Variants in TAF5L observed in about 807,000 individuals in gnomAD.
TAF5L encodes TATA-box binding protein associated factor 5 like.
In TAF5L, 7 loss-of-function variants were observed where a neutral mutation model predicts 51.3. That is an observed-to-expected ratio of 0.14 (90% CI 0.08 to 0.26). The LOEUF (loss-of-function observed/expected upper bound fraction) is 0.26. Among genes scored for constraint, TAF5L ranks in the 10% least tolerant of loss-of-function variants. The pLI is 1.00. For synonymous variants in TAF5L, 291 were observed against 308.1 expected (o/e 0.94, Z 0.58); for missense variants, 575 against 758.9 (o/e 0.76, Z 2.85).
intron 4 of TAF5L, among the ~76,000 whole-genome samples, chr1:229,597,725 AATCTT>A (rs1297140809): frequency 6.6e-6 from 1 of 152,228 alleles, no homozygotes; most frequent in Non-Finnish European, 1.5e-5. Context: ...TGTAATAATA[AATCTT>A]ATTATATACA....
At chr1:229,614,448 G>A in exon 2 of TAF5L, 2 of 1,614,224 alleles carry the variant, frequency 1.2e-6, no homozygotes, top group Non-Finnish European at 1.7e-6. Context: ...GCAGGACACT[G>A]CCATCTGAAT....
At chr1:229,619,594 A>G (rs1216384333) in intron 1 of TAF5L, among the ~76,000 whole-genome samples, 2 of 152,116 alleles carry the variant, frequency 1.3e-5, no homozygotes, top group Admixed American at 6.5e-5. Flanking sequence ...TGTTTCATCA[A>G]CTACTTACCC....
In TAF5L at chr1:229,594,168, G is replaced by A; in HGVS notation, c.*129C>T. The A allele has an allele frequency of 8.8e-7, 1 of 1,131,296 alleles. No homozygotes were observed. The allele number at this position is 1,131,296 out of a possible 1,614,324, so 70.1% of individuals were successfully genotyped here. On this transcript the variant is annotated 3_prime_UTR_variant, in exon 5 of 5. Coordinates refer to ENST00000258281, the Ensembl canonical transcript of TAF5L. The surrounding 1 kb of genome is among the most constrained non-coding windows in gnomAD (Gnocchi z 7.9). ...GGCTGAGTGAAGGGGGACCTGCCCG[G>A]AATGAGGGCCCAGGAGAGAGGGGAG...
intron 3 of TAF5L, among the ~76,000 whole-genome samples, chr1:229,609,543 T>C (rs1273419815): frequency 6.6e-6 from 1 of 152,234 alleles, no homozygotes; most frequent in East Asian, 1.9e-4. Flanking sequence ...TTTATTCTTA[T>C]CTCAAGTGGT....
At chr1:229,597,176 C>T (rs937820625) in intron 4 of TAF5L, among the ~76,000 whole-genome samples, 3 of 152,166 alleles carry the variant, frequency 2.0e-5, no homozygotes, top group African/African-American at 7.2e-5. Context: ...AAAAATGACA[C>T]CAGATGAATT....
chr1:229,611,066 G>A (rs1664768503), intron 2 of TAF5L, among the ~76,000 whole-genome samples: 1 of 152,002 alleles, frequency 6.6e-6, no homozygotes, highest in African/African-American at 2.4e-5. Context: ...GGGTGACCAG[G>A]GTGAGCAATG....
At chr1:229,619,443 G>A (rs960855732) in intron 1 of TAF5L, among the ~76,000 whole-genome samples, 1 of 152,152 alleles carries the variant, frequency 6.6e-6, no homozygotes, top group African/African-American at 2.4e-5. Flanking sequence ...GGCTCAGGAC[G>A]CAGTGAAGAA....
At chr1:229,606,569 G>T in intron 3 of TAF5L, 52 of 985,344 alleles carry the variant, frequency 5.3e-5, no homozygotes, top group Non-Finnish European at 6.1e-5. Context: ...TGGCTCTATT[G>T]ACTAGCACTC....
At chr1:229,610,121 G>A (rs752571711) in exon 3 of TAF5L, 8 of 1,614,062 alleles carry the variant, frequency 5.0e-6, no homozygotes, top group East Asian at 2.2e-5. Flanking sequence ...AGAAAATTCC[G>A]CAGTCGTCCA....
rs371899556 is a variant in TAF5L at position 229,624,088 on chromosome 1, A to G, written c.-4+1797T>C. On this transcript the variant is annotated intron_variant, in intron 1 of 4. Coordinates refer to ENST00000258281, the Ensembl canonical transcript of TAF5L. ...CCTAGAGCTCCCTTCCAGCAAAACA[A>G]ATTAGCAGAAACAAAACCCCCTTTC... Among the ~76,000 whole-genome samples the G allele has an allele frequency of 3.7e-4, 56 of 152,288 alleles. No individual in the cohort carries two copies. The East Asian group carries it at 6.9e-3, about 19-fold the overall frequency.
intron 3 of TAF5L, among the ~76,000 whole-genome samples, chr1:229,603,346 A>T (rs1664460730): frequency 6.6e-6 from 1 of 152,200 alleles, no homozygotes; most frequent in South Asian, 2.1e-4. Context: ...TTTTAATGTG[A>T]TGATAATATA....
chr1:229,596,456 G>C (rs1571827431), intron 4 of TAF5L, among the ~76,000 whole-genome samples: 1 of 152,108 alleles, frequency 6.6e-6, no homozygotes, highest in East Asian at 1.9e-4. Flanking sequence ...AAATAAATAA[G>C]AATGAAGTTT....
At chr1:229,620,884 G>A (rs1457326012) in intron 1 of TAF5L, among the ~76,000 whole-genome samples, 1 of 152,146 alleles carries the variant, frequency 6.6e-6, no homozygotes, top group Non-Finnish European at 1.5e-5. Flanking sequence ...GTTTTCCCAT[G>A]CTTATCACTG....
Position 229,602,964 on chromosome 1 carries a change from C to T in TAF5L, c.248-45G>A, listed in dbSNP as rs372354476. The T allele has an allele frequency of 6.5e-7, 1 of 1,528,138 alleles. No individual in the cohort carries two copies. The highest frequency in any genetic ancestry group is 1.4e-5 in the African/African-American group (1 of 72,344). 94.7% of individuals were successfully genotyped at this position (1,528,138 alleles called of 1,614,324 possible). ...AGGCTTTATAATCAGCATAATCTTA[C>T]AGAATAACGTGATCCCTCCTGGGGA... On this transcript the variant is annotated intron_variant, in intron 3 of 4. Coordinates refer to ENST00000258281, the Ensembl canonical transcript of TAF5L. The surrounding 1 kb of genome is among the most constrained non-coding windows in gnomAD (Gnocchi z 4.6).
chr1:229,595,044 G>A (rs747817010), exon 5 of TAF5L: 1 of 1,613,496 alleles, frequency 6.2e-7, no homozygotes, highest in Non-Finnish European at 8.5e-7. Context: ...CTGGTCCGCA[G>A]TGGCCCCGCA....
chr1:229,621,905 C>T (rs114190870), intron 1 of TAF5L, among the ~76,000 whole-genome samples: 82 of 152,244 alleles, frequency 5.4e-4, no homozygotes, highest in African/African-American at 1.9e-3. Flanking sequence ...CCTTTCCCAT[C>T]TACTAAATCA....
In TAF5L at chr1:229,594,483, G is replaced by A. The variant is rs1466121314; in HGVS notation, c.1584C>T (p.Ala528=). 6.2e-7 allele frequency: 1 copy of A among 1,614,190 alleles called. No individual in the cohort carries two copies. The highest frequency in any genetic ancestry group is 8.5e-7 in the Non-Finnish European group (1 of 1,180,032). ...AGACGCGCACCGAGTTGTCCATGGA[G>A]GCAGAGGCAATCAAGCCGCTGTCTG... The change falls in exon 5 of 5, where the codon GCC becomes GCT. Residue 528 remains alanine, a synonymous_variant. Coordinates refer to ENST00000258281, the Ensembl canonical transcript of TAF5L. The surrounding 1 kb of genome is among the most constrained non-coding windows in gnomAD (Gnocchi z 7.9).
chr1:229,613,708 C>T (rs1298678429), intron 2 of TAF5L, among the ~76,000 whole-genome samples: 3 of 152,098 alleles, frequency 2.0e-5, no homozygotes, highest in African/African-American at 7.2e-5. Context: ...ACTTGAGTAT[C>T]CGTGGATTTT....
rs1429490065 is a variant in TAF5L, at chr1:229,617,143, C to T, written c.-3-2658G>A. Among the ~76,000 whole-genome samples the T allele has an allele frequency of 4.6e-5, 7 of 152,268 alleles. No individual in the cohort carries two copies. The East Asian group carries it at 1.3e-3, about 29-fold the overall frequency. On this transcript the variant is annotated intron_variant, in intron 1 of 4. Coordinates refer to ENST00000258281, the Ensembl canonical transcript of TAF5L. ...ATACTCTGAGAGTGGGGTCCCTGCT[C>T]CCATTCTCTGTGGCCACTGATCAGC...
Sources: gnomAD v4.1 joint callset for allele counts (sites outside exome capture counted in the v4.1 genomes callset) on GRCh38, gnomAD v4.1.1 for gene constraint, Gnocchi (gnomAD v3.1) non-coding constraint, MANE v1.5 for transcripts, NCBI Gene and HGNC (gene_info 2026-07-23, HGNC 2026-07-21) for gene names.